The following SLCO1A2 variants were observed in gnomAD, a reference collection of about 807,000 sequenced individuals.
SLCO1A2 encodes OATP-1.
In SLCO1A2, 67 loss-of-function variants were observed where a neutral mutation model predicts 69.0. The ratio of observed to expected loss-of-function variants is 0.97; its 90% CI spans 0.80 to 1.19. SLCO1A2 has a LOEUF of 1.19. SLCO1A2 is among the 50% of genes most tolerant of loss of function. The pLI is 0.00. For synonymous variants in SLCO1A2, 260 were observed against 265.9 expected, an observed-to-expected ratio of 0.98 and a Z score of 0.22; for missense variants, 787 against 793.7, an observed-to-expected ratio of 0.99 and a Z score of 0.10.
At position 21,269,528 on chromosome 12, in the gene SLCO1A2, A is replaced by G; in HGVS notation, c.*20T>C. 6.4e-7 allele frequency: 1 copy of G among 1,561,230 alleles called. No individual in the cohort carries two copies. The highest frequency in any genetic ancestry group is 8.8e-7 in the Non-Finnish European group (1 of 1,136,544). On this transcript the variant is annotated 3_prime_UTR_variant, in exon 15 of 15. Transcript: ENST00000683939. ...TACAGCATGTTCTCTAATTCTGAAAAAAGTAATATAATAGGACAATTACAA... is the reference window on the plus strand; with the variant it reads ...TACAGCATGTTCTCTAATTCTGAAAGAAGTAATATAATAGGACAATTACAA...
At chr12:21,368,187 G>A (rs550973157) in intron 2 of SLCO1A2, among the ~76,000 whole-genome samples, 52 of 152,182 alleles carry the variant, frequency 3.4e-4, no homozygotes, top group Non-Finnish European at 6.3e-4. Flanking sequence ...ACAGCATCAC[G>A]TGAGACATAT....
At position 21,416,522 on chromosome 12, in the gene SLCO1A2, C is replaced by A. The variant is rs117773086; in HGVS notation, c.-312+1360G>T. 1.0e-3 allele frequency among the ~76,000 whole-genome samples: 154 copies of A among 152,002 alleles called. 2 individuals are homozygous for A. In the East Asian group the frequency reaches 0.021, roughly 21 times the overall value. ...CATTGTAATTCCCCAAACTTGAGAA[C>A]CGAGCTAGCTTCGTGGGTATGTGTG... On this transcript the variant is annotated intron_variant, in intron 1 of 4. Transcript: ENST00000413682.
At chr12:21,290,672 A>T (rs1261800077) in intron 12 of SLCO1A2, among the ~76,000 whole-genome samples, 2 of 152,182 alleles carry the variant, frequency 1.3e-5, no homozygotes, top group East Asian at 3.8e-4. Flanking sequence ...GGCTTAAAAA[A>T]CTATGCAAAA....
At chr12:21,398,298 C>A (rs1941553189), upstream of SLCO1A2, among the ~76,000 whole-genome samples, 1 of 150,864 alleles carries the variant, frequency 6.6e-6, no homozygotes, top group Admixed American at 6.6e-5. Context: ...TTCCTGGACA[C>A]ATACACTCTC....
chr12:21,329,442 A>G (rs1316087787), intron 2 of SLCO1A2, among the ~76,000 whole-genome samples: 1 of 151,598 alleles, frequency 6.6e-6, no homozygotes, highest in East Asian at 1.9e-4. Context: ...TCAACCCAGC[A>G]TTCTTGTACA....
intron 2 of SLCO1A2, among the ~76,000 whole-genome samples, chr12:21,346,004 T>C (rs1383489188): frequency 1.3e-5 from 2 of 151,902 alleles, no homozygotes; most frequent in Non-Finnish European, 2.9e-5. Flanking sequence ...AATAAAGCAG[T>C]TCTACAAACA....
intron 2 of SLCO1A2, among the ~76,000 whole-genome samples, chr12:21,348,350 A>ATTT (rs1245031166): frequency 6.6e-6 from 1 of 152,124 alleles, no homozygotes; most frequent in African/African-American, 2.4e-5. Context: ...CATTCTGTCT[A>ATTT]TTTTTGTAAC....
At chr12:21,271,609 A>G (rs1385828348) in intron 14 of SLCO1A2, among the ~76,000 whole-genome samples, 1 of 149,288 alleles carries the variant, frequency 6.7e-6, no homozygotes, top group African/African-American at 2.4e-5. Context: ...ATATTTTTAT[A>G]CATATTATGT....
chr12:21,286,062 T>C (rs1184947831), intron 12 of SLCO1A2, among the ~76,000 whole-genome samples: 11 of 151,714 alleles, frequency 7.3e-5, no homozygotes, highest in Non-Finnish European at 1.5e-4. Context: ...AAAGAGGAAG[T>C]CAAATTGTCC....
intron 2 of SLCO1A2, chr12:21,373,645 G>A: frequency 1.4e-6 from 1 of 701,648 alleles, no homozygotes; most frequent in Non-Finnish European, 2.6e-6. Flanking sequence ...CTGACAGACA[G>A]GAATGGATAA....
intron 2 of SLCO1A2, among the ~76,000 whole-genome samples, chr12:21,362,520 T>A (rs1269530062): frequency 6.6e-6 from 1 of 152,118 alleles, no homozygotes; most frequent in East Asian, 1.9e-4. Context: ...GCTAACATCA[T>A]AATGACAGGA....
At chr12:21,345,147 C>T (rs1953210677) in intron 2 of SLCO1A2, among the ~76,000 whole-genome samples, 1 of 151,706 alleles carries the variant, frequency 6.6e-6, no homozygotes, top group African/African-American at 2.4e-5. Flanking sequence ...TTTTTGTTTC[C>T]TGCTTGGTTT....
At chr12:21,414,811 CTCA>C (rs1436068502) in intron 1 of SLCO1A2, among the ~76,000 whole-genome samples, 1 of 152,052 alleles carries the variant, frequency 6.6e-6, no homozygotes, top group African/African-American at 2.4e-5. Context: ...AAACATTTCT[CTCA>C]TATTATTAAT....
chr12:21,275,098 T>C, intron 13 of SLCO1A2: 1 of 1,060,904 alleles, frequency 9.4e-7, no homozygotes, highest in Non-Finnish European at 1.1e-6. Flanking sequence ...GTATTTAATA[T>C]TGTTCTGCAC....
In SLCO1A2 at chr12:21,271,862, A is replaced by T. The variant is rs868502635; in HGVS notation, c.1794-2095T>A. Among the ~76,000 whole-genome samples the T allele has an allele frequency of 1.3e-4, 19 of 148,918 alleles. 1 individual carries two copies. In the South Asian group the frequency reaches 3.8e-3, roughly 30 times the overall value. On this transcript the variant is annotated intron_variant, in intron 14 of 14. Transcript: ENST00000683939. ...CATATTTATATACATATATTTGTAC[A>T]TATGCAAATATATACATATGTGTAT...
chr12:21,393,616 T>A (rs2137161853), intron 1 of SLCO1A2, among the ~76,000 whole-genome samples: 1 of 152,272 alleles, frequency 6.6e-6, no homozygotes, highest in South Asian at 2.1e-4. Context: ...AATGCCCAAT[T>A]TAATTTTTTT....
rs905783251 is a variant in SLCO1A2 at position 21,265,491 on chromosome 12, A to C, written c.*4057T>G. Reference sequence around the variant, plus strand: ...TGCCTTCTGAAGGAGCCCTCTGCACAGGACTGTGTTAACAAATCATCTGCC... The same window carrying C: ...TGCCTTCTGAAGGAGCCCTCTGCACCGGACTGTGTTAACAAATCATCTGCC... On this transcript the variant is annotated 3_prime_UTR_variant, in exon 15 of 15. Transcript: ENST00000683939. 1.3e-5 allele frequency: 2 copies of C among 152,250 alleles called. No individual in the cohort carries two copies. The highest frequency in any genetic ancestry group is 4.8e-5 in the African/African-American group (2 of 41,456). 9.4% of individuals were successfully genotyped at this position (152,250 alleles called of 1,614,324 possible).
intron 4 of SLCO1A2, among the ~76,000 whole-genome samples, chr12:21,312,124 T>C (rs1285562431): frequency 2.6e-5 from 4 of 152,256 alleles, no homozygotes; most frequent in East Asian, 3.9e-4. Flanking sequence ...TTCATCCACA[T>C]TGAAAATCTG....
At chr12:21,352,118 C>T (rs977788971) in intron 2 of SLCO1A2, among the ~76,000 whole-genome samples, 1 of 152,156 alleles carries the variant, frequency 6.6e-6, no homozygotes, top group Non-Finnish European at 1.5e-5. Context: ...CCAATTGCAT[C>T]ACCCCCATAC....
Sources: gnomAD v4.1 joint callset for allele counts (sites outside exome capture counted in the v4.1 genomes callset) on GRCh38, gnomAD v4.1.1 for gene constraint, MANE v1.5 for transcripts, NCBI Gene and HGNC (gene_info 2026-07-23, HGNC 2026-07-21) for gene names.